Variants in VTI1A observed in about 807,000 individuals in gnomAD.
VTI1A encodes the protein vesicle transport through interaction with t-SNAREs homolog 1A.
VTI1A carries 22 observed loss-of-function variants against 34.9 expected under a neutral mutation model. That is an observed-to-expected ratio of 0.63 (90% CI 0.45 to 0.90). The LOEUF is 0.90. VTI1A is among the 40% of genes least tolerant of loss of function. VTI1A has a pLI of 0.00. For missense variants in VTI1A, 268 were observed against 275.6 expected (o/e 0.97, Z 0.20); for synonymous variants, 87 against 97.3 (o/e 0.89, Z 0.62).
intron 5 of VTI1A, among the ~76,000 whole-genome samples, chr10:112,629,937 G>A (rs972202241): frequency 3.3e-5 from 5 of 152,074 alleles, no homozygotes; most frequent in South Asian, 2.1e-4. Context: ...TTTTTTAAAC[G>A]AAGATGATTT....
At chr10:112,731,471 A>T (rs995844177) in intron 7 of VTI1A, among the ~76,000 whole-genome samples, 2 of 151,380 alleles carry the variant, frequency 1.3e-5, no homozygotes, top group Non-Finnish European at 2.9e-5. Flanking sequence ...GCTACTCAGG[A>T]GGCTGAGGCA....
chr10:112,457,010 C>T (rs1847553566), intron 1 of VTI1A, among the ~76,000 whole-genome samples: 1 of 152,204 alleles, frequency 6.6e-6, no homozygotes, highest in South Asian at 2.1e-4. Context: ...GCCAGAATCA[C>T]TTCTGTCGCA....
At chr10:112,654,695 G>C (rs372656302) in intron 5 of VTI1A, among the ~76,000 whole-genome samples, 2 of 151,926 alleles carry the variant, frequency 1.3e-5, no homozygotes, top group Non-Finnish European at 2.9e-5. Flanking sequence ...GGGTTTCACC[G>C]TGGGCTCGAT....
At chr10:112,532,947 C>A (rs1206183071) in intron 4 of VTI1A, among the ~76,000 whole-genome samples, 1 of 152,080 alleles carries the variant, frequency 6.6e-6, no homozygotes, top group Non-Finnish European at 1.5e-5. Flanking sequence ...TCTCTCCTGG[C>A]ATACTTTATT....
At chr10:112,596,833 T>C (rs189931653) in intron 5 of VTI1A, among the ~76,000 whole-genome samples, 1 of 152,344 alleles carries the variant, frequency 6.6e-6, no homozygotes, top group East Asian at 1.9e-4. Flanking sequence ...CTCTTCCTTA[T>C]TTACATAAGA....
chr10:112,608,002 C>G (rs1446693773), intron 5 of VTI1A, among the ~76,000 whole-genome samples: 8 of 152,140 alleles, frequency 5.3e-5, no homozygotes, highest in Admixed American at 5.2e-4. Context: ...TCATCACTTC[C>G]GCAGTATTCT....
chr10:112,787,163 T>C (rs914176514), intron 7 of VTI1A, among the ~76,000 whole-genome samples: 1 of 152,230 alleles, frequency 6.6e-6, no homozygotes, highest in African/African-American at 2.4e-5. Context: ...TTGTCCATTC[T>C]ACCTAAATTA....
intron 7 of VTI1A, among the ~76,000 whole-genome samples, chr10:112,717,793 C>G (rs1590109755): frequency 6.6e-6 from 1 of 152,088 alleles, no homozygotes; most frequent in African/African-American, 2.4e-5. Flanking sequence ...GACACATACC[C>G]CACTCTTTGA....
intron 5 of VTI1A, among the ~76,000 whole-genome samples, chr10:112,561,680 TCA>T (rs1347132595): frequency 6.6e-6 from 1 of 152,146 alleles, no homozygotes; most frequent in Non-Finnish European, 1.5e-5. Context: ...GGTTTTCTGA[TCA>T]CTGATAACTG....
intron 7 of VTI1A, among the ~76,000 whole-genome samples, chr10:112,754,063 C>T (rs1851195993): frequency 6.6e-6 from 1 of 152,170 alleles, no homozygotes; most frequent in South Asian, 2.1e-4. Flanking sequence ...GAAAATAAAG[C>T]TGTCATTCTG....
intron 7 of VTI1A, among the ~76,000 whole-genome samples, chr10:112,703,885 G>A (rs1372658145): frequency 2.0e-5 from 3 of 152,132 alleles, no homozygotes; most frequent in Non-Finnish European, 2.9e-5. Context: ...AGTTATTCAA[G>A]ATGTTCTGTC....
intron 7 of VTI1A, among the ~76,000 whole-genome samples, chr10:112,679,819 C>T (rs755127279): frequency 7.3e-5 from 11 of 151,614 alleles, no homozygotes; most frequent in Admixed American, 5.9e-4. Context: ...TAAAGATGTC[C>T]GAATCAGGTC....
At chr10:112,640,562 A>C (rs1018669728) in intron 5 of VTI1A, among the ~76,000 whole-genome samples, 1 of 151,184 alleles carries the variant, frequency 6.6e-6, no homozygotes, top group African/African-American at 2.4e-5. Flanking sequence ...CAACAACAAC[A>C]AAAAAAAACC....
chr10:112,627,903 G>A (rs2134603409), intron 5 of VTI1A, among the ~76,000 whole-genome samples: 1 of 152,152 alleles, frequency 6.6e-6, no homozygotes, highest in Admixed American at 6.5e-5. Flanking sequence ...AATTCCAGGG[G>A]GTTCTACTTG....
At position 112,815,486 on chromosome 10, in the gene VTI1A, A is replaced by T; in HGVS notation, c.*103A>T. The T allele has an allele frequency of 1.0e-6, 1 of 997,286 alleles. No individual in the cohort carries two copies. Among genetic ancestry groups the T allele is most frequent in the South Asian group, 1.4e-5 (1 of 70,004 alleles). The allele number at this position is 997,286 out of a possible 1,614,324, so 61.8% of individuals were successfully genotyped here. On this transcript the variant is annotated 3_prime_UTR_variant, in exon 8 of 8. Coordinates refer to ENST00000393077, the MANE Select transcript of VTI1A (RefSeq NM_145206.4). ...CTGTTGCGCTGACAGGCCCCAGGTG[A>T]CCCTCTCTCTCCCTCACCGCCGTTG...
chr10:112,546,117 T>A (rs1851108821), intron 5 of VTI1A, among the ~76,000 whole-genome samples: 1 of 114,624 alleles, frequency 8.7e-6, no homozygotes, highest in African/African-American at 3.4e-5. Context: ...TATACACGTG[T>A]GTGTGTATTT....
At chr10:112,541,194 T>C (rs2134263241) in intron 5 of VTI1A, among the ~76,000 whole-genome samples, 2 of 152,314 alleles carry the variant, frequency 1.3e-5, no homozygotes, top group African/African-American at 4.8e-5. Context: ...AAATTTTTTT[T>C]CAAATTTTAC....
At chr10:112,496,288 G>A (rs1326418391) in intron 3 of VTI1A, among the ~76,000 whole-genome samples, 1 of 150,346 alleles carries the variant, frequency 6.7e-6, no homozygotes, top group Admixed American at 6.7e-5. Flanking sequence ...ATGAAGGTTG[G>A]GCCAGGTGCA....
chr10:112,717,423 G>A (rs1191881224), intron 7 of VTI1A, among the ~76,000 whole-genome samples: 1 of 152,174 alleles, frequency 6.6e-6, no homozygotes, highest in Non-Finnish European at 1.5e-5. Context: ...TTGGCTGGGT[G>A]TTCTGGCTCA....
Sources: gnomAD v4.1 joint callset for allele counts (sites outside exome capture counted in the v4.1 genomes callset) on GRCh38, gnomAD v4.1.1 for gene constraint, MANE v1.5 for transcripts, NCBI Gene and HGNC (gene_info 2026-07-23, HGNC 2026-07-21) for gene names.